The following NFIB variants were observed in gnomAD, a reference collection of about 807,000 sequenced individuals.
The protein encoded by NFIB is nuclear factor 1 B-type.
Under a neutral mutation model 61.5 loss-of-function variants are expected in NFIB, and 11 were observed. The observed-to-expected ratio is 0.18, with a 90% CI of 0.11 to 0.30. NFIB has a LOEUF of 0.30. Ranked by LOEUF, NFIB falls within the 10% of genes least tolerant of loss-of-function variation. The probability of loss-of-function intolerance (pLI) is 1.00; values close to 1 mark genes in which losing one functional copy is unlikely to be tolerated. For synonymous variants in NFIB, 260 were observed against 216.5 expected (o/e 1.20, Z -1.76); for missense variants, 471 against 608.9 (o/e 0.77, Z 2.38).
intron 2 of NFIB, among the ~76,000 whole-genome samples, chr9:14,298,550 G>A (rs1484220458): frequency 6.6e-6 from 1 of 152,052 alleles, no homozygotes; most frequent in Non-Finnish European, 1.5e-5. Flanking sequence ...GTAGCAAGGA[G>A]GGCTGCAAAT....
chr9:14,260,234 T>G (rs1488770520), intron 2 of NFIB, among the ~76,000 whole-genome samples: 3 of 152,148 alleles, frequency 2.0e-5, no homozygotes, highest in Non-Finnish European at 4.4e-5. Context: ...ACTGGAGTTC[T>G]GAGACAGCCT....
intron 10 of NFIB, 29 bp downstream of exon 10, chr9:14,112,970 A>G (rs2037603980): frequency 3.2e-6 from 5 of 1,546,832 alleles, no homozygotes; most frequent in Non-Finnish European, 4.4e-6. Flanking sequence ...GCGTGGCTAC[A>G]CCGTCACACC....
chr9:14,274,349 G>T (rs1182686105), intron 2 of NFIB, among the ~76,000 whole-genome samples: 7 of 150,344 alleles, frequency 4.7e-5, no homozygotes, highest in African/African-American at 1.7e-4. Context: ...AATTTCTCAG[G>T]GGCTTAGGAG....
At chr9:14,281,773 G>T (rs1452699490) in intron 2 of NFIB, among the ~76,000 whole-genome samples, 1 of 152,090 alleles carries the variant, frequency 6.6e-6, no homozygotes, top group Non-Finnish European at 1.5e-5. Context: ...TTATGACCTT[G>T]ACTAAATGAT....
At chr9:14,224,932 A>G (rs1463296715) in intron 2 of NFIB, among the ~76,000 whole-genome samples, 1 of 152,168 alleles carries the variant, frequency 6.6e-6, no homozygotes, top group African/African-American at 2.4e-5. Flanking sequence ...CTTATAGGAG[A>G]GCACATGACA....
chr9:14,467,819 C>T, the NFIB span, among the ~76,000 whole-genome samples: 1 of 152,224 alleles, frequency 6.6e-6, no homozygotes, highest in African/African-American at 2.4e-5. Flanking sequence ...TTGATTTGAT[C>T]CTCACAGTAA....
the NFIB span, among the ~76,000 whole-genome samples, chr9:14,442,477 G>C: frequency 6.6e-6 from 1 of 152,184 alleles, no homozygotes; most frequent in South Asian, 2.1e-4. Flanking sequence ...CACTACCACT[G>C]GGTGGCTTCA....
chr9:14,227,820 C>T (rs943008871), intron 2 of NFIB, among the ~76,000 whole-genome samples: 1 of 152,156 alleles, frequency 6.6e-6, no homozygotes, highest in African/African-American at 2.4e-5. Flanking sequence ...GTTAATATTG[C>T]TGTTTAGCTG....
chr9:14,500,991 G>A, the NFIB span, among the ~76,000 whole-genome samples: 1 of 152,348 alleles, frequency 6.6e-6, no homozygotes, highest in South Asian at 2.1e-4. Context: ...CGTGCCAATT[G>A]TATAATGAAT....
At chr9:14,466,769 A>G in the NFIB span, among the ~76,000 whole-genome samples, 5 of 152,158 alleles carry the variant, frequency 3.3e-5, no homozygotes, top group East Asian at 1.9e-4. Context: ...AAACAAGTAT[A>G]TGGTTTATGG....
chr9:14,272,532 C>G (rs959202465), intron 2 of NFIB, among the ~76,000 whole-genome samples: 4 of 151,814 alleles, frequency 2.6e-5, no homozygotes, highest in Admixed American at 2.6e-4. Context: ...ATTAAAAGAA[C>G]TTTTTAAATT....
chr9:14,271,225 C>T (rs1157492082), intron 2 of NFIB, among the ~76,000 whole-genome samples: 2 of 149,858 alleles, frequency 1.3e-5, no homozygotes, highest in African/African-American at 2.5e-5. Flanking sequence ...CTCCTCCCTC[C>T]CCACACCCCT....
the NFIB span, among the ~76,000 whole-genome samples, chr9:14,527,644 C>A: frequency 6.6e-6 from 1 of 152,072 alleles, no homozygotes; most frequent in Non-Finnish European, 1.5e-5. Context: ...AAGAGCCTGG[C>A]ATATAGTATG....
the NFIB span, among the ~76,000 whole-genome samples, chr9:14,487,820 C>G: frequency 6.6e-6 from 1 of 152,172 alleles, no homozygotes; most frequent in Non-Finnish European, 1.5e-5. Context: ...CACAGACAAC[C>G]TCCTCAGCTA....
intron 1 of NFIB, among the ~76,000 whole-genome samples, chr9:14,348,536 C>T (rs2061062928): frequency 6.6e-6 from 1 of 152,250 alleles, no homozygotes; most frequent in Non-Finnish European, 1.5e-5. Flanking sequence ...AGTGCTTCGG[C>T]TCCAGTTTAG....
At chr9:14,256,315 T>C (rs2056215734) in intron 2 of NFIB, among the ~76,000 whole-genome samples, 1 of 152,114 alleles carries the variant, frequency 6.6e-6, no homozygotes, top group African/African-American at 2.4e-5. Flanking sequence ...GAAACTATGT[T>C]CTAAGAAAAA....
chr9:14,344,108 A>AGAGAG (rs2060988361), intron 1 of NFIB, among the ~76,000 whole-genome samples: 2 of 141,458 alleles, frequency 1.4e-5, no homozygotes, highest in African/African-American at 5.3e-5. Flanking sequence ...GAGAGAGAGA[A>AGAGAG]AGAGAGAGAG....
At chr9:14,418,482 A>G in the NFIB span, among the ~76,000 whole-genome samples, 7 of 152,138 alleles carry the variant, frequency 4.6e-5, no homozygotes, top group Non-Finnish European at 1.0e-4. Flanking sequence ...ACAACAATAT[A>G]TCTGCTGCTT....
the NFIB span, among the ~76,000 whole-genome samples, chr9:14,456,796 A>G: frequency 6.6e-6 from 1 of 152,190 alleles, no homozygotes; most frequent in Non-Finnish European, 1.5e-5. Context: ...CGTCAAAAGC[A>G]CCGAAGAACA....
Sources: allele counts gnomAD v4.1 joint callset (sites outside exome capture counted in the v4.1 genomes callset), GRCh38; gene constraint gnomAD v4.1.1; transcripts MANE v1.5; gene names NCBI Gene and HGNC (gene_info 2026-07-23, HGNC 2026-07-21).